Variants in COG6 observed in about 807,000 individuals in gnomAD.
The protein encoded by COG6 is component of oligomeric golgi complex 6, also known as conserved oligomeric Golgi complex subunit 6.
Under a neutral mutation model 88.8 loss-of-function variants are expected in COG6, and 74 were observed. The ratio of observed to expected loss-of-function variants is 0.83; its 90% CI spans 0.69 to 1.01. The LOEUF is 1.01. Ranked by LOEUF, COG6 falls within the 50% of genes least tolerant of loss-of-function variation. The pLI, the probability that COG6 is intolerant of heterozygous loss-of-function variation, is 0.00. For missense variants in COG6, 800 were observed against 797.9 expected, an observed-to-expected ratio of 1.00 and a Z score of -0.03; for synonymous variants, 286 against 278.7, an observed-to-expected ratio of 1.03 and a Z score of -0.26.
intron 18 of COG6, among the ~76,000 whole-genome samples, chr13:39,766,572 C>T (rs533498013): frequency 1.3e-5 from 2 of 152,266 alleles, no homozygotes; most frequent in East Asian, 1.9e-4. Context: ...TCCCTCCTAA[C>T]CCCATCCCAA....
chr13:39,732,068 C>T (rs146809570), intron 18 of COG6, among the ~76,000 whole-genome samples: 10 of 152,192 alleles, frequency 6.6e-5, no homozygotes, highest in Non-Finnish European at 1.2e-4. Context: ...GGATGGAGCC[C>T]GCCCCATTGA....
chr13:39,690,950 A>G (rs1876945500), intron 11 of COG6, among the ~76,000 whole-genome samples: 1 of 151,884 alleles, frequency 6.6e-6, no homozygotes, highest in Non-Finnish European at 1.5e-5. Context: ...GAGGAGGAAT[A>G]AAATGAAATT....
intron 18 of COG6, among the ~76,000 whole-genome samples, chr13:39,758,408 C>A (rs1880913545): frequency 6.6e-6 from 1 of 151,908 alleles, no homozygotes; most frequent in Non-Finnish European, 1.5e-5. Context: ...AAACAAAAGA[C>A]AACTAAATTT....
At chr13:39,759,530 T>C (rs1880948662) in intron 18 of COG6, among the ~76,000 whole-genome samples, 1 of 152,190 alleles carries the variant, frequency 6.6e-6, no homozygotes, top group Non-Finnish European at 1.5e-5. Flanking sequence ...CTGTTTAGAA[T>C]AATAAATAGG....
chr13:39,746,940 C>A (rs1267843416), intron 18 of COG6, among the ~76,000 whole-genome samples: 2 of 151,984 alleles, frequency 1.3e-5, no homozygotes, highest in Admixed American at 6.6e-5. Flanking sequence ...TGTATTTATT[C>A]ATGTAGGTAG....
At chr13:39,766,858 C>A (rs932143330) in intron 18 of COG6, among the ~76,000 whole-genome samples, 2 of 152,204 alleles carry the variant, frequency 1.3e-5, no homozygotes, top group Non-Finnish European at 2.9e-5. Context: ...CTGAACTTAT[C>A]TGAAGAATCA....
chr13:39,737,472 A>G (rs1879824153), intron 18 of COG6, among the ~76,000 whole-genome samples: 1 of 150,632 alleles, frequency 6.6e-6, no homozygotes, highest in Non-Finnish European at 1.5e-5. Context: ...TGGAGTCAGG[A>G]ACCTTAGGAA....
intron 3 of COG6, among the ~76,000 whole-genome samples, chr13:39,664,346 G>A (rs9548872): frequency 0.66 from 99,729 of 151,308 alleles, 33,049 homozygotes; most frequent in Admixed American, 0.77. Flanking sequence ...CACAGACCTT[G>A]TTTCTCTACG....
intron 11 of COG6, among the ~76,000 whole-genome samples, chr13:39,692,430 A>G (rs142349954): frequency 6.6e-6 from 1 of 152,156 alleles, no homozygotes; most frequent in Admixed American, 6.6e-5. Context: ...GGTGGGTTCT[A>G]TGAAAGCAGG....
At chr13:39,788,361 C>T (rs1881837700) in exon 19 of COG6, 7 of 1,551,632 alleles carry the variant, frequency 4.5e-6, no homozygotes, top group Non-Finnish European at 5.2e-6. Context: ...CCATGATCAT[C>T]TTGTAACCAG....
chr13:39,762,804 CTT>C (rs542069132), intron 18 of COG6, among the ~76,000 whole-genome samples: 1 of 103,838 alleles, frequency 9.6e-6, no homozygotes, highest in Non-Finnish European at 2.1e-5. Flanking sequence ...CCCTTTATTT[CTT>C]TTTCTTTTCT....
chr13:39,781,198 T>C (rs1436215453), intron 18 of COG6, among the ~76,000 whole-genome samples: 1 of 152,110 alleles, frequency 6.6e-6, no homozygotes, highest in Non-Finnish European at 1.5e-5. Flanking sequence ...GGAGCTGTTT[T>C]AGAGAAGAGA....
At chr13:39,685,540 C>T (rs957286709) in intron 8 of COG6, among the ~76,000 whole-genome samples, 14 of 152,212 alleles carry the variant, frequency 9.2e-5, no homozygotes, top group African/African-American at 2.9e-4. Flanking sequence ...TTACAGCTGT[C>T]GTCCCAGTGG....
chr13:39,764,128 G>A (rs190980625), intron 18 of COG6, among the ~76,000 whole-genome samples: 1 of 151,710 alleles, frequency 6.6e-6, no homozygotes, highest in Admixed American at 6.6e-5. Context: ...TGTCAGTTTT[G>A]GTAAATTTTA....
At chr13:39,671,306 T>C (rs1455627148) in intron 4 of COG6, among the ~76,000 whole-genome samples, 1 of 151,860 alleles carries the variant, frequency 6.6e-6, no homozygotes, top group African/African-American at 2.4e-5. Flanking sequence ...TGGATTTTTT[T>C]AAATGAAAAT....
At chr13:39,706,255 TTATATATATATATATA>T (rs71298976) in intron 13 of COG6, among the ~76,000 whole-genome samples, 1 of 114,672 alleles carries the variant, frequency 8.7e-6, no homozygotes, top group Non-Finnish European at 1.8e-5. Context: ...ATATACTCCT[TTATATATATATATATA>T]TATATATTTA....
chr13:39,779,731 A>G (rs1881572170), intron 18 of COG6, among the ~76,000 whole-genome samples: 1 of 152,138 alleles, frequency 6.6e-6, no homozygotes, highest in South Asian at 2.1e-4. Context: ...GTTCTGTCCT[A>G]AAGTCACCTC....
At chr13:39,783,904 A>G (rs975390288) in intron 18 of COG6, among the ~76,000 whole-genome samples, 1 of 152,186 alleles carries the variant, frequency 6.6e-6, no homozygotes, top group African/African-American at 2.4e-5. Flanking sequence ...TCTGATAAAC[A>G]TATAACCTGA....
intron 13 of COG6, among the ~76,000 whole-genome samples, chr13:39,718,895 G>C (rs1246010173): frequency 1.3e-5 from 2 of 152,008 alleles, no homozygotes; most frequent in Non-Finnish European, 2.9e-5. Context: ...TCTATAGACT[G>C]CTTTTTTCTT....
Sources: gnomAD v4.1 joint callset for allele counts (sites outside exome capture counted in the v4.1 genomes callset) on GRCh38, gnomAD v4.1.1 for gene constraint, MANE v1.5 for transcripts, NCBI Gene and HGNC (gene_info 2026-07-23, HGNC 2026-07-21) for gene names.